The following PLEKHM3 variants were observed in gnomAD, a reference collection of about 807,000 sequenced individuals.
The protein encoded by PLEKHM3 is pleckstrin homology domain-containing family M member 3.
Under a neutral mutation model 81.8 loss-of-function variants are expected in PLEKHM3, and 45 were observed. The ratio of observed to expected loss-of-function variants is 0.55; its 90% CI spans 0.43 to 0.71. The LOEUF is 0.71. PLEKHM3 is among the 30% of genes least tolerant of loss of function. The pLI is 0.00. For missense variants in PLEKHM3, 788 were observed against 924.3 expected (o/e 0.85, Z 1.91); for synonymous variants, 352 against 356.4 (o/e 0.99, Z 0.14).
intron 3 of PLEKHM3, among the ~76,000 whole-genome samples, chr2:207,958,138 C>A (rs1690584150): frequency 6.6e-6 from 1 of 152,200 alleles, no homozygotes; most frequent in South Asian, 2.1e-4. Context: ...AATGGATATA[C>A]CATCTATTAC....
At chr2:207,983,590 GA>G (rs35041778) in intron 2 of PLEKHM3, among the ~76,000 whole-genome samples, 100,988 of 145,314 alleles carry the variant, frequency 0.69, 34,821 homozygotes, top group Non-Finnish European at 0.73. Context: ...CCATGAAAAA[GA>G]AAAAAAAAAA....
intron 5 of PLEKHM3, among the ~76,000 whole-genome samples, chr2:207,927,719 AC>A (rs1217814575): frequency 6.6e-6 from 1 of 151,660 alleles, no homozygotes; most frequent in Non-Finnish European, 1.5e-5. Context: ...AATCCCAGCT[AC>A]CCAGGAGGCT....
Position 207,877,333 on chromosome 2 carries a change from T to A in PLEKHM3, c.1951-16071A>T, listed in dbSNP as rs537494256. On this transcript the variant is annotated intron_variant, in intron 6 of 7. Transcript: ENST00000427836. ...CTGCACCACCTTGATCAGCTGCCTT[T>A]CCCATGCTAGCTTCTCTGAAACACC... is the stretch of plus-strand genomic sequence containing the variant. 4.7e-4 allele frequency among the ~76,000 whole-genome samples: 71 copies of A among 152,248 alleles called. 1 individual carries two copies. The highest frequency in any genetic ancestry group is 4.6e-3 in the Admixed American group (71 of 15,290).
intron 7 of PLEKHM3, among the ~76,000 whole-genome samples, chr2:207,847,447 GCAGT>G (rs748335529): frequency 6.6e-5 from 10 of 152,170 alleles, no homozygotes; most frequent in Non-Finnish European, 1.0e-4. Context: ...TTAAGAGTGG[GCAGT>G]CAGAGCTGAA....
intron 4 of PLEKHM3, among the ~76,000 whole-genome samples, chr2:207,936,910 T>G (rs1206189868): frequency 6.6e-6 from 1 of 151,818 alleles, no homozygotes; most frequent in Non-Finnish European, 1.5e-5. Context: ...TCATGAAATA[T>G]TTTAAAAAAT....
chr2:207,960,655 G>A (rs1390882700), intron 3 of PLEKHM3, among the ~76,000 whole-genome samples: 2 of 152,214 alleles, frequency 1.3e-5, no homozygotes, highest in South Asian at 4.1e-4. Context: ...TGGGAGTGGA[G>A]AGGAAAGGGA....
intron 3 of PLEKHM3, among the ~76,000 whole-genome samples, chr2:207,968,426 T>G (rs1191315272): frequency 6.6e-6 from 1 of 152,188 alleles, no homozygotes; most frequent in African/African-American, 2.4e-5. Flanking sequence ...TTTCAAATTC[T>G]CTAGTACAGA....
At chr2:208,000,505 A>G (rs1307665460) in intron 2 of PLEKHM3, among the ~76,000 whole-genome samples, 1 of 152,084 alleles carries the variant, frequency 6.6e-6, no homozygotes, top group Non-Finnish European at 1.5e-5. Context: ...CACAATTTCA[A>G]TGGCCCATCT....
chr2:207,906,093 G>T (rs931427337), intron 6 of PLEKHM3, among the ~76,000 whole-genome samples: 5 of 152,148 alleles, frequency 3.3e-5, no homozygotes, highest in Non-Finnish European at 1.5e-5. Flanking sequence ...CGTTTGAAAG[G>T]CTCCCTCAAA....
intron 7 of PLEKHM3, among the ~76,000 whole-genome samples, chr2:207,857,824 G>C (rs2092443945): frequency 6.6e-6 from 1 of 151,442 alleles, no homozygotes; most frequent in African/African-American, 2.4e-5. Flanking sequence ...CTATTTCATT[G>C]ATATCGGCTC....
rs1691364385 is a variant in PLEKHM3, at chr2:207,977,570, G to C, written c.627C>G (p.Phe209Leu). The C allele has an allele frequency of 2.5e-6, 4 of 1,607,326 alleles. No individual in the cohort carries two copies. The African/African-American group carries it at 4.0e-5, about 16-fold the overall frequency. The change falls in exon 3 of 8, where the codon TTC (phenylalanine) becomes TTG (leucine). Residue 209 changes from phenylalanine to leucine, a missense_variant. Physicochemically the swap from Phe to Leu is conservative, Grantham distance 22 (BLOSUM62 0). Coordinates refer to ENST00000427836, the MANE Select transcript of PLEKHM3 (RefSeq NM_001080475.3). ...AQGNTEHKQT[F>L]PNILKKGYLE... The stretch of plus-strand genomic sequence containing the variant: ...GGTAACCCTTCTTTAGAATGTTTGG[G>C]AATGTCTGCTTGTGTTCTAGAAAGG...
Position 208,000,976 on chromosome 2 carries a change from C to T in PLEKHM3, c.610+54G>A. On this transcript the variant is annotated intron_variant, in intron 2 of 7. Coordinates refer to ENST00000427836, the MANE Select transcript of PLEKHM3 (RefSeq NM_001080475.3). ...AAAACATACAAGCTTATCTGAGTCA[C>T]AGCCCCAAAAAGAAAAAAAAAAAAA... 6 of 1,381,366 alleles carry T rather than the reference C, an allele frequency of 4.3e-6. No individual in the cohort carries two copies. The East Asian group carries it at 1.3e-4, about 29-fold the overall frequency. 85.6% of individuals were successfully genotyped at this position (1,381,366 alleles called of 1,614,324 possible).
intron 7 of PLEKHM3, chr2:207,851,089 G>A (rs2092409618): frequency 7.3e-6 from 1 of 137,366 alleles, no homozygotes. Context: ...GGAAGCGGAG[G>A]TTGCAGTGAG....
chr2:207,824,753 G>A lies in PLEKHM3; in HGVS notation c.*3566C>T, dbSNP rs1436728747. 6.6e-6 allele frequency: 1 copy of A among 152,294 alleles called. No homozygotes were observed. The highest frequency in any genetic ancestry group is 1.5e-5 in the Non-Finnish European group (1 of 68,096). 9.4% of individuals were successfully genotyped at this position (152,294 alleles called of 1,614,324 possible). A position where few individuals can be genotyped will look rare whatever the true frequency, so the allele number is the denominator to read the frequency against. ...AGGCTCCGTCAGAGGACACACTCTAGCTGAGCAAAGGCTGCATTCGGCAAC... is the reference window on the plus strand; with the variant it reads ...AGGCTCCGTCAGAGGACACACTCTAACTGAGCAAAGGCTGCATTCGGCAAC... On this transcript the variant is annotated 3_prime_UTR_variant, in exon 8 of 8. Transcript: ENST00000427836.
chr2:207,935,581 C>G (rs1157848453), intron 4 of PLEKHM3, among the ~76,000 whole-genome samples: 1 of 152,140 alleles, frequency 6.6e-6, no homozygotes, highest in Admixed American at 6.5e-5. Flanking sequence ...CCATGGAATA[C>G]ACTTTGAGAA....
chr2:207,867,093 CT>C (rs1438883423), intron 6 of PLEKHM3, among the ~76,000 whole-genome samples: 2 of 152,308 alleles, frequency 1.3e-5, no homozygotes, highest in Non-Finnish European at 2.9e-5. Context: ...CACCCAAGTT[CT>C]TGTTGACTAA....
At chr2:207,999,445 T>C (rs1288624240) in intron 2 of PLEKHM3, among the ~76,000 whole-genome samples, 1 of 151,810 alleles carries the variant, frequency 6.6e-6, no homozygotes, top group Non-Finnish European at 1.5e-5. Context: ...CAAGACCCCA[T>C]CTCTAAAAAA....
intron 1 of PLEKHM3, among the ~76,000 whole-genome samples, chr2:208,018,304 C>T (rs1692996000): frequency 6.9e-6 from 1 of 145,212 alleles, no homozygotes; most frequent in Non-Finnish European, 1.5e-5. Context: ...ACCTGGGAGG[C>T]GGAAGTTGCA....
chr2:207,912,829 C>T (rs1188681466), intron 5 of PLEKHM3, among the ~76,000 whole-genome samples: 1 of 152,136 alleles, frequency 6.6e-6, no homozygotes, highest in Non-Finnish European at 1.5e-5. Flanking sequence ...CGCACACTGC[C>T]ATTTATTCCT....
Sources: gnomAD v4.1 joint callset for allele counts (sites outside exome capture counted in the v4.1 genomes callset) on GRCh38, gnomAD v4.1.1 for gene constraint, MANE v1.5 for transcripts, NCBI Gene and HGNC (gene_info 2026-07-23, HGNC 2026-07-21) for gene names.